The following MDGA2 variants were observed in gnomAD, a reference collection of about 807,000 sequenced individuals.
MDGA2 encodes the protein MAM domain containing glycosylphosphatidylinositol anchor 2, also known as MAM domain-containing glycosylphosphatidylinositol anchor protein 2.
In MDGA2, 40 loss-of-function variants were observed where a neutral mutation model predicts 117.8. The observed-to-expected ratio is 0.34, with a 90% CI of 0.26 to 0.44. The LOEUF (loss-of-function observed/expected upper bound fraction) is 0.44. Ranked by LOEUF, MDGA2 falls within the 20% of genes least tolerant of loss-of-function variation. The probability of loss-of-function intolerance (pLI) is 1.00; values close to 1 mark genes in which losing one functional copy is unlikely to be tolerated. For missense variants in MDGA2, 1,123 were observed against 1,250.6 expected (o/e 0.90, Z 1.54); for synonymous variants, 452 against 439.0 (o/e 1.03, Z -0.37).
chr14:47,173,314 C>A (rs2139332242), intron 3 of MDGA2, among the ~76,000 whole-genome samples: 1 of 152,180 alleles, frequency 6.6e-6, no homozygotes, highest in Middle Eastern at 3.4e-3. Context: ...CAAAGATACT[C>A]CTCAAGAAGA....
At position 47,592,389 on chromosome 14, in the gene MDGA2, C is replaced by A. The variant is rs530093020; in HGVS notation, c.280+82128G>T. On this transcript the variant is annotated intron_variant, in intron 1 of 16. Transcript: ENST00000399232. ...CATTCTTTACAGAATAAAAAAAAAA[C>A]TTTAAAATTCATACAGAACCAAAAC... 1.3e-4 allele frequency among the ~76,000 whole-genome samples: 20 copies of A among 151,866 alleles called. No homozygotes were observed. In the East Asian group the frequency reaches 2.1e-3, roughly 16 times the overall value.
At chr14:47,605,740 C>A (rs937272626) in intron 1 of MDGA2, among the ~76,000 whole-genome samples, 1 of 152,006 alleles carries the variant, frequency 6.6e-6, no homozygotes, top group Non-Finnish European at 1.5e-5. Flanking sequence ...ACTGATAATC[C>A]CCCACAAAAG....
chr14:46,957,799 C>A (rs1885623249), intron 8 of MDGA2, among the ~76,000 whole-genome samples, 156 bp from the exon 9 acceptor site: 1 of 152,080 alleles, frequency 6.6e-6, no homozygotes, highest in Non-Finnish European at 1.5e-5. Context: ...GAAATTTTAG[C>A]TTGGGTTGGG....
intron 1 of MDGA2, among the ~76,000 whole-genome samples, chr14:47,656,567 T>C (rs1164626583): frequency 6.6e-6 from 1 of 152,154 alleles, no homozygotes; most frequent in Non-Finnish European, 1.5e-5. Context: ...CAGCAGTGAA[T>C]AACTTAGCTG....
At position 47,620,334 on chromosome 14, in the gene MDGA2, A is replaced by G. The variant is rs554381789; in HGVS notation, c.280+54183T>C. 1.5e-4 allele frequency among the ~76,000 whole-genome samples: 23 copies of G among 152,366 alleles called. No individual in the cohort carries two copies. The East Asian group carries it at 1.7e-3, about 11-fold the overall frequency. On this transcript the variant is annotated intron_variant, in intron 1 of 16. Transcript: ENST00000399232. ...CATGGAACAAAATGATATATAGTGG[A>G]CACCACTGTGATATTGTTAACATAT... is the stretch of plus-strand genomic sequence containing the variant.
intron 1 of MDGA2, among the ~76,000 whole-genome samples, chr14:47,421,372 G>T (rs1892575427): frequency 6.6e-6 from 1 of 152,108 alleles, no homozygotes; most frequent in Non-Finnish European, 1.5e-5. Flanking sequence ...TCTTTGGCTG[G>T]CATCACAGAT....
chr14:47,031,615 G>GC (rs1888669148), intron 8 of MDGA2, among the ~76,000 whole-genome samples: 1 of 152,114 alleles, frequency 6.6e-6, no homozygotes, highest in East Asian at 1.9e-4. Flanking sequence ...CTGTGTCCCT[G>GC]CCCAAATGTC....
chr14:46,883,487 A>C (rs987461500), intron 10 of MDGA2, among the ~76,000 whole-genome samples: 9 of 152,174 alleles, frequency 5.9e-5, no homozygotes, highest in Admixed American at 2.0e-4. Flanking sequence ...CTTTATTTTT[A>C]ATGCTTATAT....
At chr14:46,948,189 T>G (rs910615730) in intron 9 of MDGA2, among the ~76,000 whole-genome samples, 2 of 152,096 alleles carry the variant, frequency 1.3e-5, no homozygotes, top group Non-Finnish European at 2.9e-5. Flanking sequence ...TTTTATGTAT[T>G]TAAAAATCTT....
chr14:47,008,169 T>A (rs543879006), intron 8 of MDGA2, among the ~76,000 whole-genome samples: 5 of 151,934 alleles, frequency 3.3e-5, no homozygotes. Context: ...AGGGGACCTA[T>A]GTTTTAGAAA....
In MDGA2 at chr14:47,201,122, G is replaced by A. The variant is rs1302851683; in HGVS notation, c.595+16899C>T. On this transcript the variant is annotated intron_variant, in intron 3 of 16. Transcript: ENST00000399232. ...TCCGCCATCTTCGGCAGCAGCTTGG[G>A]AAAGCCCTTTTTCTATTTTTATTGC... is the stretch of plus-strand genomic sequence containing the variant. 26 of 771,528 alleles carry A rather than the reference G, an allele frequency of 3.4e-5. No homozygotes were observed. In the South Asian group the frequency reaches 3.5e-4, roughly 10 times the overall value. The allele number at this position is 771,528 out of a possible 1,614,324, so 47.8% of individuals were successfully genotyped here.
chr14:47,010,024 AC>A (rs775221830), intron 8 of MDGA2, among the ~76,000 whole-genome samples: 31 of 152,146 alleles, frequency 2.0e-4, no homozygotes, highest in Non-Finnish European at 3.7e-4. Context: ...ACAACACCTT[AC>A]GGAAGAGTTC....
chr14:47,042,512 T>G (rs1251838893), intron 7 of MDGA2, among the ~76,000 whole-genome samples: 1 of 152,110 alleles, frequency 6.6e-6, no homozygotes, highest in East Asian at 1.9e-4. Flanking sequence ...CACACTTGAG[T>G]GCTGTTTCAG....
intron 8 of MDGA2, among the ~76,000 whole-genome samples, chr14:46,961,114 T>C (rs1197083439): frequency 1.3e-5 from 2 of 152,080 alleles, no homozygotes; most frequent in African/African-American, 4.8e-5. Context: ...GAATGTCTTT[T>C]TTTTCCTCCA....
intron 1 of MDGA2, among the ~76,000 whole-genome samples, chr14:47,411,756 C>T (rs543289563): frequency 6.6e-6 from 1 of 152,232 alleles, no homozygotes; most frequent in Middle Eastern, 3.4e-3. Context: ...CTGTCAAATT[C>T]ACAAATTCTG....
Position 47,106,478 on chromosome 14 carries a change from G to A in MDGA2, c.926-9355C>T, listed in dbSNP as rs190953009. Among the ~76,000 whole-genome samples, 885 of 152,026 alleles carry A rather than the reference G, an allele frequency of 5.8e-3. 7 individuals are homozygous for A. Among genetic ancestry groups the A allele is most frequent in the African/African-American group, 0.02 (849 of 41,480 alleles). On this transcript the variant is annotated intron_variant, in intron 5 of 16. Coordinates refer to ENST00000399232, the MANE Select transcript of MDGA2 (RefSeq NM_001113498.3). ...TACATGTGCCGGAAATCTGGCCACT[G>A]GGCCAAGGAATGCCCGCAGCCTGGG...
In MDGA2 at chr14:47,097,192, T is replaced by C. The variant is rs908242510; in HGVS notation, c.926-69A>G. The stretch of plus-strand genomic sequence containing the variant: ...TACAACTAGAATTCAACAGCATGCA[T>C]TATATTGGTTCATTCAAAAAATTAA... On this transcript the variant is annotated intron_variant, in intron 5 of 16. Transcript: ENST00000399232. The C allele has an allele frequency of 8.6e-6, 13 of 1,504,624 alleles. No individual in the cohort carries two copies. In the African/African-American group the frequency reaches 1.7e-4, roughly 19 times the overall value. 93.2% of individuals were successfully genotyped at this position (1,504,624 alleles called of 1,614,324 possible). A position where few individuals can be genotyped will look rare whatever the true frequency, so the allele number is the denominator to read the frequency against.
chr14:47,466,099 A>G (rs1028659947), intron 1 of MDGA2, among the ~76,000 whole-genome samples: 1 of 152,152 alleles, frequency 6.6e-6, no homozygotes, highest in Non-Finnish European at 1.5e-5. Context: ...GTTCTTACCT[A>G]TAAGTGGGAG....
chr14:47,367,923 T>A (rs566032149), intron 1 of MDGA2, among the ~76,000 whole-genome samples: 6 of 152,340 alleles, frequency 3.9e-5, no homozygotes, highest in African/African-American at 1.2e-4. Context: ...GAAGTATAGA[T>A]TTTATTATTT....
Sources: gnomAD v4.1 joint callset for allele counts (sites outside exome capture counted in the v4.1 genomes callset) on GRCh38, gnomAD v4.1.1 for gene constraint, MANE v1.5 for transcripts, NCBI Gene and HGNC (gene_info 2026-07-23, HGNC 2026-07-21) for gene names.